LILRB3: variants seen among roughly 807,000 people sequenced by gnomAD.
The protein encoded by LILRB3 is leukocyte immunoglobulin like receptor B3, also known as leukocyte immunoglobulin-like receptor subfamily B member 3.
LILRB3 carries 32 observed loss-of-function variants against 68.2 expected under a neutral mutation model. That is an observed-to-expected ratio of 0.47 (90% CI 0.35 to 0.63). LILRB3 has a LOEUF of 0.63. Ranked by LOEUF, LILRB3 falls within the 30% of genes least tolerant of loss-of-function variation. LILRB3 has a pLI of 0.00. For missense variants in LILRB3, 502 were observed against 791.3 expected, an observed-to-expected ratio of 0.63 and a Z score of 4.39; for synonymous variants, 185 against 323.1, an observed-to-expected ratio of 0.57 and a Z score of 4.58.
chr19:54,222,175 C>T lies in LILRB3; in HGVS notation c.356-45G>A, dbSNP rs773767715. ...CGTGTTAAATGGGGCTCCCACCTCC[C>T]ACATCATCCCCAGGGCTGGGCTGTG... On this transcript the variant is annotated intron_variant, in intron 3 of 12. Coordinates refer to ENST00000445347, the Ensembl canonical transcript of LILRB3. 3 of 1,610,504 alleles carry T rather than the reference C, an allele frequency of 1.9e-6. 1 individual carries two copies. The highest frequency in any genetic ancestry group is 2.5e-6 in the Non-Finnish European group (3 of 1,179,400).
At position 54,216,951 on chromosome 19, in the gene LILRB3, A is replaced by C; in HGVS notation, c.*142T>G. On this transcript the variant is annotated 3_prime_UTR_variant, in exon 13 of 13. Coordinates refer to ENST00000445347, the Ensembl canonical transcript of LILRB3. Reference sequence around the variant, plus strand: ...GTCATCTTTGAGTCAGGTGAGTCCCACAAGTTCCCAGCGTCTCCTCATGGT... The same window carrying C: ...GTCATCTTTGAGTCAGGTGAGTCCCCCAAGTTCCCAGCGTCTCCTCATGGT... 4 of 1,500,024 alleles carry C rather than the reference A, an allele frequency of 2.7e-6. No homozygotes were observed. The Admixed American group carries it at 9.4e-5, about 35-fold the overall frequency. The allele number at this position is 1,500,024 out of a possible 1,614,324, so 92.9% of individuals were successfully genotyped here. A position where few individuals can be genotyped will look rare whatever the true frequency, so the allele number is the denominator to read the frequency against.
intron 7 of LILRB3, 180 bp downstream of exon 7, chr19:54,219,975 G>GGCT (rs1568962343): frequency 7.8e-7 from 1 of 1,285,146 alleles, no homozygotes; most frequent in Non-Finnish European, 1.1e-6. Flanking sequence ...ACATCAGCCC[G>GGCT]GCTCCTCCTC....
At chr19:54,217,388 G>A in exon 12 of LILRB3, 4 of 1,596,458 alleles carry the variant, frequency 2.5e-6, no homozygotes, top group Non-Finnish European at 3.4e-6. Context: ...CAGACAGTGA[G>A]GAGGGAGGAG....
exon 6 of LILRB3, chr19:54,220,583 G>A: frequency 1.4e-6 from 2 of 1,449,176 alleles, no homozygotes; most frequent in Non-Finnish European, 1.9e-6. Flanking sequence ...GGGGGTTGGA[G>A]CTGCGTGAGC....
At position 54,221,050 on chromosome 19, in the gene LILRB3, T is replaced by C. The variant is rs2078119150; in HGVS notation, c.955+33A>G. 2.2e-6 allele frequency: 3 copies of C among 1,369,360 alleles called. 1 individual carries two copies. The highest frequency in any genetic ancestry group is 8.2e-5 in the East Asian group (2 of 24,454). The allele number at this position is 1,369,360 out of a possible 1,614,324, so 84.8% of individuals were successfully genotyped here. Reference sequence around the variant, plus strand: ...CCCCCGGCAGGGCCTGTGCAGAGCCTGGGTCCCTGACTGAACCCGCTGGGC... The same window carrying C: ...CCCCCGGCAGGGCCTGTGCAGAGCCCGGGTCCCTGACTGAACCCGCTGGGC... On this transcript the variant is annotated intron_variant, in intron 5 of 12. Transcript: ENST00000445347.
intron 8 of LILRB3, 29 bp from the exon 9 acceptor site, chr19:54,218,867 C>T: frequency 6.2e-7 from 1 of 1,614,042 alleles, no homozygotes; most frequent in Non-Finnish European, 8.5e-7. Flanking sequence ...AGTCTCAGCC[C>T]TGGGAACATT....
rs1427199981 is a variant in LILRB3, at chr19:54,218,749, TG to T, written c.1502+13del. On this transcript the variant is annotated intron_variant, in intron 9 of 12. Transcript: ENST00000445347. ...GTGGTGGGTGGGAGTCTGTGGTCTT[TG>T]GGGCAGAATTACCTCCTCAGCAGGC... 1 of 1,613,946 alleles carries T rather than the reference TG, an allele frequency of 6.2e-7. No individual in the cohort carries two copies. The highest frequency in any genetic ancestry group is 8.5e-7 in the Non-Finnish European group (1 of 1,180,010).
chr19:54,219,213 C>T (rs1194127078), exon 8 of LILRB3: 2 of 1,599,922 alleles, frequency 1.3e-6, no homozygotes, highest in Non-Finnish European at 1.7e-6. Context: ...GCCACCGAGA[C>T]CCCAATCAAA....
chr19:54,218,427 G>T lies in LILRB3; in HGVS notation c.1541-14C>A. On this transcript the variant is annotated splice_polypyrimidine_tract_variant and intron_variant, in intron 10 of 12. Transcript: ENST00000445347. The stretch of plus-strand genomic sequence containing the variant: ...TCACAGCAGCATCTGCTGGGGCAGA[G>T]CAAGGGGTTCGTCTCCTGGTTCTCT... 6.2e-7 allele frequency: 1 copy of T among 1,614,060 alleles called. No individual in the cohort carries two copies. The highest frequency in any genetic ancestry group is 8.5e-7 in the Non-Finnish European group (1 of 1,179,956).
At chr19:54,217,981 C>T (rs1006413760) in intron 11 of LILRB3, among the ~76,000 whole-genome samples, 2 of 147,720 alleles carry the variant, frequency 1.4e-5, no homozygotes, top group Non-Finnish European at 3.0e-5. Flanking sequence ...GGCTTTGCTC[C>T]CTGCTGTGTC....
Position 54,219,516 on chromosome 19 carries a change from G to T in LILRB3, c.1310-271C>A, listed in dbSNP as rs112492538. The T allele has an allele frequency of 3.9e-6, 6 of 1,550,210 alleles. No individual in the cohort carries two copies. In the South Asian group the frequency reaches 4.8e-5, roughly 12 times the overall value. ...CAGCCCTTGTTCCTGCACCAGAGCCGAGACCCGGAGCTGCAGGGAAAGAGC... is the reference window on the plus strand; with the variant it reads ...CAGCCCTTGTTCCTGCACCAGAGCCTAGACCCGGAGCTGCAGGGAAAGAGC... On this transcript the variant is annotated intron_variant, in intron 7 of 12. Coordinates refer to ENST00000445347, the Ensembl canonical transcript of LILRB3.
In LILRB3 at chr19:54,220,954, TC is replaced by T. The variant is rs1285493852; in HGVS notation, c.956-125del. The T allele has an allele frequency of 9.3e-5, 86 of 922,958 alleles. 17 individuals carry two copies. The highest frequency in any genetic ancestry group is 1.2e-4 in the Non-Finnish European group (84 of 705,306). The allele number at this position is 922,958 out of a possible 1,614,324, so 57.2% of individuals were successfully genotyped here. On this transcript the variant is annotated intron_variant, in intron 5 of 12. Transcript: ENST00000445347. ...TTTCTCTGAGTCTCCCCTCCCCCCA[TC>T]CCCTGTCTCTGTCTGTCTCTCCCTC...
In LILRB3 at chr19:54,217,323, G is replaced by T. The variant is rs199967832; in HGVS notation, c.1745C>A (p.Thr582Asn). The stretch of plus-strand genomic sequence containing the variant: ...CCTGGAGAGGAAAGGACTCACCTCA[G>T]TGTCCATCTGCCTGTCCTCTTCCAC... The change falls in exon 12 of 13, where the codon ACT (threonine) becomes AAT (asparagine). Residue 582 changes from threonine to asparagine, a missense_variant. Thr to Asn is a moderately conservative substitution (Grantham distance 65). Around this residue, in one of 8 missense-constraint regions of LILRB3, gnomAD observed 267 missense variants for 245.5 expected, o/e 1.09. Coordinates refer to ENST00000445347, the Ensembl canonical transcript of LILRB3. The T allele has an allele frequency of 1.3e-4, 199 of 1,588,316 alleles. 30 individuals are homozygous for T. The African/African-American group carries it at 2.6e-3, about 21-fold the overall frequency.
chr19:54,217,939 C>T (rs946598770), intron 11 of LILRB3, among the ~76,000 whole-genome samples: 28 of 150,668 alleles, frequency 1.9e-4, no homozygotes, highest in Non-Finnish European at 3.4e-4. Context: ...CATTTTGTCT[C>T]CCACCGTGAG....
chr19:54,217,570 C>G lies in LILRB3; in HGVS notation c.1594-96G>C. On this transcript the variant is annotated intron_variant, in intron 11 of 12. Transcript: ENST00000445347. ...TGTTCCCGGGGTGATCCGATTACAT[C>G]CCTTTCCTGATGGAATCTCAGGGAC... 22 of 1,446,300 alleles carry G rather than the reference C, an allele frequency of 1.5e-5. 1 individual carries two copies. In the South Asian group the frequency reaches 2.8e-4, roughly 18 times the overall value. 89.6% of individuals were successfully genotyped at this position (1,446,300 alleles called of 1,614,324 possible). A position where few individuals can be genotyped will look rare whatever the true frequency, so the allele number is the denominator to read the frequency against.
exon 3 of LILRB3, chr19:54,222,501 G>GGGGCTCCCCCAGCTGATCACA: frequency 6.2e-7 from 1 of 1,609,912 alleles, no homozygotes; most frequent in East Asian, 2.2e-5. Context: ...AGATGGTCAC[G>GGGGCTCCCCCAGCTGATCACA]GGGCTCCCCC....
intron 1 of LILRB3, 56 bp from the exon 2 acceptor site, chr19:54,222,838 C>A: frequency 6.2e-7 from 1 of 1,612,606 alleles, no homozygotes; most frequent in Admixed American, 1.7e-5. Flanking sequence ...GGTCCCCGCC[C>A]GGGTGCCTCC....
rs1056991738 is a variant in LILRB3 at position 54,216,964 on chromosome 19, G to A, written c.*129C>T. 2.9e-5 allele frequency: 44 copies of A among 1,524,028 alleles called. No individual in the cohort carries two copies. In the Middle Eastern group the frequency reaches 7.0e-4, roughly 24 times the overall value. The allele number at this position is 1,524,028 out of a possible 1,614,324, so 94.4% of individuals were successfully genotyped here. ...CAGGTGAGTCCCACAAGTTCCCAGC[G>A]TCTCCTCATGGTCTGTGTTAGGGGT... On this transcript the variant is annotated 3_prime_UTR_variant, in exon 13 of 13. Transcript: ENST00000445347.
intron 4 of LILRB3, 121 bp from the exon 5 acceptor site, chr19:54,221,500 CCTT>C (rs1326699149): frequency 6.7e-7 from 1 of 1,486,922 alleles, no homozygotes; most frequent in Non-Finnish European, 8.9e-7. Context: ...CCCAGGGCCT[CCTT>C]CTCACCCGGG....
Sources: allele counts gnomAD v4.1 joint callset (sites outside exome capture counted in the v4.1 genomes callset), GRCh38; gene constraint gnomAD v4.1.1; regional missense constraint gnomAD v4.1.1; transcripts MANE v1.5; gene names NCBI Gene and HGNC (gene_info 2026-07-23, HGNC 2026-07-21).